The following INPP5F variants were observed in gnomAD, a reference collection of about 807,000 sequenced individuals.
INPP5F encodes the protein phosphatidylinositide 4-phosphatase SAC2.
Under a neutral mutation model 137.2 loss-of-function variants are expected in INPP5F, and 97 were observed. The ratio of observed to expected loss-of-function variants is 0.71; its 90% CI spans 0.60 to 0.84. The LOEUF (loss-of-function observed/expected upper bound fraction) is 0.84, where lower values mean the gene tolerates loss of function less well. INPP5F is among the 40% of genes least tolerant of loss of function. The pLI is 0.00. For synonymous variants in INPP5F, 504 were observed against 476.9 expected (o/e 1.06, Z -0.74); for missense variants, 1,271 against 1,371.9 (o/e 0.93, Z 1.16).
At chr10:119,800,555 C>CA (rs200774789) in intron 9 of INPP5F, among the ~76,000 whole-genome samples, 25,562 of 103,056 alleles carry the variant, frequency 0.25, 2,488 homozygotes, top group Middle Eastern at 0.38. Flanking sequence ...GATTCCATCT[C>CA]AAAAAAAAAA....
At chr10:119,779,662 C>G (rs1849640101) in intron 2 of INPP5F, among the ~76,000 whole-genome samples, 1 of 152,090 alleles carries the variant, frequency 6.6e-6, no homozygotes, top group Non-Finnish European at 1.5e-5. Context: ...TCAAGCAATC[C>G]TCCCACTTTG....
intron 16 of INPP5F, among the ~76,000 whole-genome samples, chr10:119,821,461 C>CTAG (rs1851558620): frequency 6.6e-6 from 1 of 152,102 alleles, no homozygotes; most frequent in South Asian, 2.1e-4. Context: ...ATGAACAGTG[C>CTAG]TAGTAGCAAA....
intron 2 of INPP5F, among the ~76,000 whole-genome samples, chr10:119,755,801 G>A (rs1848823124): frequency 6.6e-6 from 1 of 152,170 alleles, no homozygotes. Flanking sequence ...CAAAGCTCAT[G>A]GTTCCTTGAC....
At position 119,767,107 on chromosome 10, in the gene INPP5F, G is replaced by GA. The variant is rs35875262; in HGVS notation, c.179-14502dup. Among the ~76,000 whole-genome samples the GA allele has an allele frequency of 2.7e-3, 111 of 40,538 alleles. 16 individuals are homozygous for GA. Among genetic ancestry groups the GA allele is most frequent in the African/African-American group, 0.011 (95 of 8,884 alleles). 26.6% of individuals were successfully genotyped at this position (40,538 alleles called of 152,430 possible). On this transcript the variant is annotated intron_variant, in intron 2 of 19. Coordinates refer to ENST00000650623, the MANE Select transcript of INPP5F (RefSeq NM_014937.4). ...GCAACAGAGTGAGACTCTGTCTCCA[G>GA]AAAAAAAAAAAAAAAAAAAAAAAAA...
intron 2 of INPP5F, among the ~76,000 whole-genome samples, chr10:119,764,250 C>T (rs1849088252): frequency 6.6e-6 from 1 of 152,176 alleles, no homozygotes; most frequent in Non-Finnish European, 1.5e-5. Context: ...TTTGTTATAG[C>T]AGCACCCCTG....
intron 8 of INPP5F, among the ~76,000 whole-genome samples, chr10:119,798,045 T>C (rs1382774915): frequency 1.3e-5 from 2 of 151,838 alleles, no homozygotes; most frequent in African/African-American, 2.4e-5. Flanking sequence ...TTTTTTTTTT[T>C]GTTTTGTTTT....
intron 2 of INPP5F, among the ~76,000 whole-genome samples, chr10:119,770,441 C>T (rs1043370615): frequency 6.6e-6 from 1 of 152,110 alleles, no homozygotes; most frequent in Admixed American, 6.5e-5. Context: ...ATAGGATTGC[C>T]AAACAATAGT....
intron 6 of INPP5F, among the ~76,000 whole-genome samples, chr10:119,796,287 C>T (rs1023752989): frequency 6.6e-6 from 1 of 152,028 alleles, no homozygotes; most frequent in African/African-American, 2.4e-5. Context: ...TTATTAAAGC[C>T]TTAATACAAT....
chr10:119,753,714 C>G (rs978512546), intron 2 of INPP5F, among the ~76,000 whole-genome samples: 35 of 152,324 alleles, frequency 2.3e-4, no homozygotes, highest in African/African-American at 7.9e-4. Context: ...AGAAACTGGT[C>G]TCTTCATTTC....
intron 1 of INPP5F, among the ~76,000 whole-genome samples, chr10:119,737,826 T>C (rs1848258644): frequency 6.6e-6 from 1 of 152,248 alleles, no homozygotes; most frequent in African/African-American, 2.4e-5. Flanking sequence ...ATTGTCTTTT[T>C]AGAGCCGTAA....
rs1849989527 is a variant in INPP5F at position 119,788,106 on chromosome 10, T to G, written c.316-3411T>G. On this transcript the variant is annotated intron_variant, in intron 3 of 19. Transcript: ENST00000650623. ...GATGGAAGATGATTCCAAGGTTTCT[T>G]GCTTAAATGATCCAGTGGGTGGTGC... 2.0e-5 allele frequency among the ~76,000 whole-genome samples: 3 copies of G among 152,152 alleles called. No homozygotes were observed. The South Asian group carries it at 6.2e-4, about 32-fold the overall frequency.
At chr10:119,744,770 C>T (rs545272341) in intron 1 of INPP5F, among the ~76,000 whole-genome samples, 1 of 152,062 alleles carries the variant, frequency 6.6e-6, no homozygotes, top group Non-Finnish European at 1.5e-5. Context: ...GGTCTCACAC[C>T]CCTGACCTCA....
Position 119,772,046 on chromosome 10 carries a change from C to T in INPP5F, c.179-9589C>T, listed in dbSNP as rs1432265819. On this transcript the variant is annotated intron_variant, in intron 2 of 19. Coordinates refer to ENST00000650623, the MANE Select transcript of INPP5F (RefSeq NM_014937.4). ...CCGAGTAGCTGGGACTACGGGTGCC[C>T]GCCACCACGCCGGGCTAATTTTTTG... Among the ~76,000 whole-genome samples the T allele has an allele frequency of 8.0e-5, 12 of 150,294 alleles. No individual in the cohort carries two copies. The East Asian group carries it at 9.8e-4, about 12-fold the overall frequency.
rs754199299 is a variant in INPP5F at position 119,827,824 on chromosome 10, T to C, written c.*44T>C. The C allele has an allele frequency of 1.5e-6, 2 of 1,366,752 alleles. No individual in the cohort carries two copies. Among genetic ancestry groups the C allele is most frequent in the Non-Finnish European group, 1.0e-6 (1 of 994,756 alleles). The allele number at this position is 1,366,752 out of a possible 1,614,324, so 84.7% of individuals were successfully genotyped here. A position where few individuals can be genotyped will look rare whatever the true frequency, so the allele number is the denominator to read the frequency against. On this transcript the variant is annotated 3_prime_UTR_variant, in exon 20 of 20. Coordinates refer to ENST00000650623, the MANE Select transcript of INPP5F (RefSeq NM_014937.4). ...CTTCCATGGCTTTTATTTAAAAATA[T>C]GAAATTTTCACCTCTTGGGGTATTT... is the stretch of plus-strand genomic sequence containing the variant.
intron 18 of INPP5F, 21 bp from the exon 19 acceptor site, chr10:119,823,794 G>C (rs1851657173): frequency 5.0e-6 from 8 of 1,589,380 alleles, no homozygotes; most frequent in Non-Finnish European, 6.9e-6. Flanking sequence ...AAATTGGCAG[G>C]CAGTTATATT....
chr10:119,812,803 C>T (rs1277364049), intron 15 of INPP5F, among the ~76,000 whole-genome samples: 2 of 152,012 alleles, frequency 1.3e-5, no homozygotes, highest in East Asian at 3.9e-4. Context: ...GAATTTTCCT[C>T]ACACACAACC....
chr10:119,824,704 A>C (rs1335802548), intron 19 of INPP5F, among the ~76,000 whole-genome samples: 1 of 152,012 alleles, frequency 6.6e-6, no homozygotes, highest in Non-Finnish European at 1.5e-5. Context: ...AAGACTATTC[A>C]TTTTCATAAC....
At chr10:119,743,687 A>G (rs889451129) in intron 1 of INPP5F, among the ~76,000 whole-genome samples, 1 of 151,946 alleles carries the variant, frequency 6.6e-6, no homozygotes, top group Non-Finnish European at 1.5e-5. Context: ...GGACTAGCCT[A>G]TGCAGGGTCT....
chr10:119,768,780 C>T (rs1313541342), intron 2 of INPP5F, among the ~76,000 whole-genome samples: 1 of 152,186 alleles, frequency 6.6e-6, no homozygotes, highest in Non-Finnish European at 1.5e-5. Flanking sequence ...TTAGTAAATG[C>T]ACCTTCTCTT....
Sources: gnomAD v4.1 joint callset for allele counts (sites outside exome capture counted in the v4.1 genomes callset) on GRCh38, gnomAD v4.1.1 for gene constraint, MANE v1.5 for transcripts, NCBI Gene and HGNC (gene_info 2026-07-23, HGNC 2026-07-21) for gene names.